COL5A1: variants seen among roughly 807,000 people sequenced by gnomAD.
The protein encoded by COL5A1 is collagen type V alpha 1 chain, also known as collagen alpha-1(V) chain.
A neutral mutation model predicts 263.7 loss-of-function variants in COL5A1; 16 were observed. The observed-to-expected ratio is 0.06, with a 90% confidence interval of 0.04 to 0.09. The LOEUF is 0.09. Ranked by LOEUF, COL5A1 falls within the 10% of genes least tolerant of loss-of-function variation. The pLI, the probability that COL5A1 is intolerant of heterozygous loss-of-function variation, is 1.00. For missense variants in COL5A1, 2,036 were observed against 2,540.5 expected (o/e 0.80, Z 4.27); for synonymous variants, 1,012 against 1,004.5 (o/e 1.01, Z -0.14).
intron 36 of COL5A1, among the ~76,000 whole-genome samples, 169 bp downstream of exon 36, chr9:134,797,070 A>AC (rs1310474692): frequency 4.7e-5 from 7 of 149,870 alleles, no homozygotes; most frequent in Non-Finnish European, 8.9e-5. Flanking sequence ...TGAGGGGGAG[A>AC]CCCCCCCACC....
At chr9:134,709,138 A>G (rs1452436838) in intron 4 of COL5A1, 1 of 358,752 alleles carries the variant, frequency 2.8e-6, no homozygotes, top group Non-Finnish European at 5.5e-6. Context: ...ACCTGGACCC[A>G]TCCCTCGGGG....
At chr9:134,807,188 G>A (rs1838325455) in intron 42 of COL5A1, among the ~76,000 whole-genome samples, 1 of 152,216 alleles carries the variant, frequency 6.6e-6, no homozygotes, top group South Asian at 2.1e-4. Context: ...CTCCTTCCCA[G>A]TACAGAGGGT....
chr9:134,725,863 A>G (rs753575698), intron 4 of COL5A1, among the ~76,000 whole-genome samples: 3 of 152,254 alleles, frequency 2.0e-5, no homozygotes, highest in Admixed American at 6.5e-5. Context: ...GTCGGTAGAC[A>G]TGTGGGTTGC....
chr9:134,724,025 G>A (rs2132625960), intron 4 of COL5A1, among the ~76,000 whole-genome samples: 1 of 151,964 alleles, frequency 6.6e-6, no homozygotes, highest in African/African-American at 2.4e-5. Flanking sequence ...TCCTCCCCTC[G>A]GCCCCTGCCT....
intron 65 of COL5A1, among the ~76,000 whole-genome samples, chr9:134,840,797 C>T (rs570648801): frequency 2.0e-5 from 3 of 152,194 alleles, no homozygotes; most frequent in East Asian, 3.9e-4. Flanking sequence ...TGGAGTCTCT[C>T]GGGTGCCTCT....
chr9:134,783,146 G>A (rs547126777), intron 29 of COL5A1, among the ~76,000 whole-genome samples: 21 of 152,328 alleles, frequency 1.4e-4, no homozygotes, highest in Non-Finnish European at 1.9e-4. Context: ...CAGGCCACAC[G>A]GCCGGCGCCC....
chr9:134,749,909 C>T (rs1270179191), intron 11 of COL5A1, among the ~76,000 whole-genome samples: 1 of 152,198 alleles, frequency 6.6e-6, no homozygotes, highest in African/African-American at 2.4e-5. Flanking sequence ...CTAGAGAATC[C>T]AGTCCTAGGT....
intron 7 of COL5A1, 97 bp from the exon 8 acceptor site, chr9:134,731,399 G>A: frequency 7.9e-7 from 1 of 1,266,012 alleles, no homozygotes; most frequent in Non-Finnish European, 1.1e-6. Flanking sequence ...TCTCTGCCCA[G>A]TTGACCGGAT....
intron 2 of COL5A1, among the ~76,000 whole-genome samples, chr9:134,697,871 G>A (rs1833536676): frequency 6.6e-6 from 1 of 152,168 alleles, no homozygotes; most frequent in African/African-American, 2.4e-5. Context: ...ATCACCTGAG[G>A]TCAGGAGTTC....
intron 27 of COL5A1, among the ~76,000 whole-genome samples, chr9:134,779,558 G>C (rs1420557240): frequency 6.6e-6 from 1 of 152,232 alleles, no homozygotes; most frequent in Non-Finnish European, 1.5e-5. Context: ...GCTAGGTGCT[G>C]TTCTGAGAGC....
intron 26 of COL5A1, among the ~76,000 whole-genome samples, chr9:134,773,804 T>C (rs1339896385): frequency 6.6e-6 from 1 of 152,210 alleles, no homozygotes; most frequent in Non-Finnish European, 1.5e-5. Flanking sequence ...ACGTGCTGCC[T>C]CTGAGACCCA....
intron 44 of COL5A1, 81 bp downstream of exon 44, chr9:134,810,389 C>A (rs888687986): frequency 1.5e-6 from 2 of 1,356,090 alleles, no homozygotes; most frequent in Non-Finnish European, 2.1e-6. Flanking sequence ...GTGCCATGCA[C>A]GTTCTCTTCC....
At position 134,755,992 on chromosome 9, in the gene COL5A1, G is replaced by T. The variant is rs1835956810; in HGVS notation, c.1828-773G>T. On this transcript the variant is annotated intron_variant, in intron 16 of 65. Coordinates refer to ENST00000371817, the MANE Select transcript of COL5A1 (RefSeq NM_000093.5). This position sits in a 1 kb window ranked among gnomAD's most constrained non-coding sequence, Gnocchi z 4.1. ...TACTCGCTGGCTGGGGTGCCTCGTT[G>T]TGCAGGGTGGCAGCCCTCTGTTCTC... 1.3e-5 allele frequency among the ~76,000 whole-genome samples: 2 copies of T among 152,120 alleles called. No homozygotes were observed. The highest frequency in any genetic ancestry group is 1.3e-4 in the Admixed American group (2 of 15,282).
Position 134,829,957 on chromosome 9 carries a change from C to T in COL5A1, c.5068-19C>T. 1 of 1,610,754 alleles carries T rather than the reference C, an allele frequency of 6.2e-7. No individual in the cohort carries two copies. The highest frequency in any genetic ancestry group is 8.5e-7 in the Non-Finnish European group (1 of 1,178,694). On this transcript the variant is annotated intron_variant, in intron 63 of 65. Transcript: ENST00000371817. ...TTGTTCTGTTTCTCTCCCTCCCCAC[C>T]TCCCCGCTGCATGTTTAGGCCAGAA...
At chr9:134,724,193 C>G (rs1174658388) in intron 4 of COL5A1, among the ~76,000 whole-genome samples, 1 of 152,216 alleles carries the variant, frequency 6.6e-6, no homozygotes, top group Non-Finnish European at 1.5e-5. Flanking sequence ...GAGGGCTTTT[C>G]CTGAGCACAT....
intron 29 of COL5A1, among the ~76,000 whole-genome samples, chr9:134,783,772 A>T (rs1837350236): frequency 6.6e-6 from 1 of 152,136 alleles, no homozygotes; most frequent in African/African-American, 2.4e-5. Context: ...GAAGGAGGGG[A>T]TCTCTTGCGC....
chr9:134,768,444 C>T lies in COL5A1; in HGVS notation c.2267C>T (p.Pro756Leu), dbSNP rs1179175067. 1 of 1,614,074 alleles carries T rather than the reference C, an allele frequency of 6.2e-7. No individual in the cohort carries two copies. The highest frequency in any genetic ancestry group is 1.7e-5 in the Admixed American group (1 of 60,030). Residue 756 changes from proline (P) to leucine (L), a missense_variant, in exon 25 of 66, where the codon CCC becomes CTC. Physicochemically the swap from Pro to Leu is moderately conservative, Grantham distance 98. Around this residue, in one of 3 missense-constraint regions of COL5A1, gnomAD observed 1,078 missense variants for 1,521.4 expected, o/e 0.71. Transcript: ENST00000371817. ...PLGKPGLPGMPGADGPPGHPG... is the reference protein window; with the variant it reads ...PLGKPGLPGMLGADGPPGHPG... Reference sequence around the variant, plus strand: ...GGGAAACCAGGCCTTCCAGGAATGCCCGGTGCTGACGGACCCCCGGTGAGT... The same window carrying T: ...GGGAAACCAGGCCTTCCAGGAATGCTCGGTGCTGACGGACCCCCGGTGAGT...
At chr9:134,828,993 C>A (rs1274576515) in intron 63 of COL5A1, among the ~76,000 whole-genome samples, 2 of 151,894 alleles carry the variant, frequency 1.3e-5, no homozygotes, top group African/African-American at 2.4e-5. Context: ...CCACACCATG[C>A]ACGCGCACAC....
chr9:134,651,696 C>T (rs915051995), intron 1 of COL5A1, among the ~76,000 whole-genome samples: 37 of 152,250 alleles, frequency 2.4e-4, no homozygotes, highest in African/African-American at 7.7e-4. Flanking sequence ...AGAGCCGGCC[C>T]GTTGCCCATG....
Sources: allele counts gnomAD v4.1 joint callset (sites outside exome capture counted in the v4.1 genomes callset), GRCh38; gene constraint gnomAD v4.1.1; regional missense constraint gnomAD v4.1.1; non-coding constraint Gnocchi (gnomAD v3.1); transcripts MANE v1.5; gene names NCBI Gene and HGNC (gene_info 2026-07-23, HGNC 2026-07-21).